Variants in CCNB3 observed in about 807,000 individuals in gnomAD.
The protein encoded by CCNB3 is cyclin B3, also known as G2/mitotic-specific cyclin-B3.
A neutral mutation model predicts 68.0 loss-of-function variants in CCNB3; 12 were observed. That is an observed-to-expected ratio of 0.18 (90% confidence interval 0.11 to 0.29). The LOEUF (loss-of-function observed/expected upper bound fraction) is 0.29, where lower values mean the gene tolerates loss of function less well. Among genes scored for constraint, CCNB3 ranks in the 10% least tolerant of loss-of-function variants. The probability of loss-of-function intolerance (pLI) is 1.00; values close to 1 mark genes in which losing one functional copy is unlikely to be tolerated. For synonymous variants in CCNB3, 354 were observed against 388.9 expected, an observed-to-expected ratio of 0.91 and a Z score of 1.06; for missense variants, 904 against 993.1, an observed-to-expected ratio of 0.91 and a Z score of 1.21.
At chrX:50,279,809 T>C (rs1936071946) in intron 1 of CCNB3, among the ~76,000 whole-genome samples, 1 of 88,310 alleles carries the variant, frequency 1.1e-5, no homozygotes, top group Non-Finnish European at 2.1e-5. Flanking sequence ...ATATATAGAA[T>C]ATATATGGTA....
chrX:50,226,090 A>C (rs1410286173), intron 1 of CCNB3, among the ~76,000 whole-genome samples: 3 of 81,389 alleles, frequency 3.7e-5, no homozygotes, highest in Admixed American at 1.7e-4. Context: ...AATATATATG[A>C]ATATATATAG....
At position 50,310,958 on chromosome X, in the gene CCNB3, T is replaced by C. The variant is rs782097227; in HGVS notation, c.2789T>C (p.Met930Thr). 40 of 1,210,542 alleles carry C rather than the reference T, an allele frequency of 3.3e-5. No homozygotes were observed. The highest frequency in any genetic ancestry group is 4.4e-5 in the Non-Finnish European group (39 of 895,356). The change falls in exon 6 of 13, where the codon ATG becomes ACG. Residue 930 changes from methionine to threonine, a missense_variant. Transcript: ENST00000376042. ...AATGAGGCAGTCCTCTTCGAAGATA[T>C]GATAGCTCTGAATGAGAAACCCACC... ...TINEAVLFED[M>T]IALNEKPTTG...
At chrX:50,337,967 G>A (rs1922935885) in intron 8 of CCNB3, among the ~76,000 whole-genome samples, 1 of 112,244 alleles carries the variant, frequency 8.9e-6, no homozygotes, top group African/African-American at 3.2e-5. Flanking sequence ...CAAATGGAGG[G>A]GTAAGTTCCA....
chrX:50,214,475 C>CATATATATATATATATATATAT (rs1184201216), intron 1 of CCNB3, among the ~76,000 whole-genome samples: 298 of 9,434 alleles, frequency 0.032, 73 homozygotes, highest in Non-Finnish European at 0.088. Flanking sequence ...AGCTGTGGCC[C>CATATATATATATATATATATAT]ATATATATAT....
intron 5 of CCNB3, among the ~76,000 whole-genome samples, chrX:50,299,846 G>A (rs1167755229): frequency 8.9e-6 from 1 of 111,940 alleles, no homozygotes; most frequent in Non-Finnish European, 1.9e-5. Flanking sequence ...ATTTAGGATA[G>A]TTAGTTCTTC....
chrX:50,336,173 C>T lies in CCNB3; in HGVS notation c.3517-6029C>T, dbSNP rs369812367. ...TTGAACAAAGCTCCCTTGTCTTTTT[C>T]TGAGGTCTTTTGCTCCGAATCACCT... On this transcript the variant is annotated intron_variant, in intron 8 of 12. Coordinates refer to ENST00000376042, the MANE Select transcript of CCNB3 (RefSeq NM_033031.3). Among the ~76,000 whole-genome samples, 146 of 112,162 alleles carry T rather than the reference C, an allele frequency of 1.3e-3. 1 individual carries two copies. Among genetic ancestry groups the T allele is most frequent in the African/African-American group, 4.4e-3 (136 of 30,914 alleles).
At chrX:50,284,490 A>C (rs1936200943) in intron 1 of CCNB3, 52 bp from the exon 2 acceptor site, 1 of 112,020 alleles carries the variant, frequency 8.9e-6, no homozygotes, top group African/African-American at 3.2e-5. Flanking sequence ...TTTTTTAATA[A>C]GTTAGTTTAT....
intron 5 of CCNB3, among the ~76,000 whole-genome samples, chrX:50,300,833 C>T (rs1569542696): frequency 9.0e-6 from 1 of 111,488 alleles, no homozygotes; most frequent in Non-Finnish European, 1.9e-5. Context: ...TTGTTCATTT[C>T]TTTGTATTCT....
intron 8 of CCNB3, among the ~76,000 whole-genome samples, chrX:50,341,301 G>C (rs1412000475): frequency 9.3e-6 from 1 of 107,839 alleles, no homozygotes; most frequent in Non-Finnish European, 1.9e-5. Context: ...CTGCACTCCA[G>C]CCTGGGAGAC....
chrX:50,315,377 A>G (rs1179418938), intron 8 of CCNB3, among the ~76,000 whole-genome samples: 1 of 112,351 alleles, frequency 8.9e-6, no homozygotes, highest in African/African-American at 3.2e-5. Flanking sequence ...AAATAACCAA[A>G]TAACAATAAT....
At chrX:50,297,805 A>G (rs1463470094) in intron 5 of CCNB3, among the ~76,000 whole-genome samples, 2 of 110,919 alleles carry the variant, frequency 1.8e-5, no homozygotes, top group Admixed American at 9.7e-5. Context: ...CTTTTATTTC[A>G]TTGAGCAGTG....
chrX:50,327,550 A>G (rs782085556), intron 8 of CCNB3, among the ~76,000 whole-genome samples: 16 of 112,631 alleles, frequency 1.4e-4, no homozygotes, highest in Non-Finnish European at 2.8e-4. Flanking sequence ...CCAAGTGCCT[A>G]TGTGAGGTAC....
rs782553127 is a variant in CCNB3, at chrX:50,298,028, T to G, written c.335+3035T>G. Among the ~76,000 whole-genome samples, 9 of 111,836 alleles carry G rather than the reference T, an allele frequency of 8.0e-5. No homozygotes were observed. The South Asian group carries it at 3.0e-3, about 37-fold the overall frequency. ...GTTGCTTATTAGCTTAAGGAGATTT[T>G]GGGCTGAGACAATGGGGTTTTCTAG... is the stretch of plus-strand genomic sequence containing the variant. On this transcript the variant is annotated intron_variant, in intron 5 of 12. Transcript: ENST00000376042.
intron 1 of CCNB3, among the ~76,000 whole-genome samples, chrX:50,209,406 G>C (rs1557206014): frequency 9.0e-6 from 1 of 110,713 alleles, no homozygotes; most frequent in African/African-American, 3.3e-5. Context: ...CCCAGACTGG[G>C]GTGCAGTGGC....
intron 1 of CCNB3, among the ~76,000 whole-genome samples, chrX:50,280,421 C>G (rs1323398885): frequency 1.9e-5 from 2 of 107,839 alleles, no homozygotes; most frequent in Non-Finnish European, 3.8e-5. Context: ...AGATATTGAG[C>G]TATTAGCAAA....
At chrX:50,326,170 T>C (rs1198974712) in intron 8 of CCNB3, among the ~76,000 whole-genome samples, 1 of 111,906 alleles carries the variant, frequency 8.9e-6, no homozygotes, top group East Asian at 2.8e-4. Flanking sequence ...CCAACTCTTT[T>C]GATAGACCTG....
At chrX:50,279,338 T>G (rs1159311511) in intron 1 of CCNB3, among the ~76,000 whole-genome samples, 1 of 74,924 alleles carries the variant, frequency 1.3e-5, no homozygotes, top group Non-Finnish European at 2.3e-5. Flanking sequence ...TATATATGAA[T>G]ATATATATGA....
chrX:50,322,719 T>G (rs782363408), intron 8 of CCNB3, among the ~76,000 whole-genome samples: 1 of 111,598 alleles, frequency 9.0e-6, no homozygotes, highest in African/African-American at 3.3e-5. Context: ...CTCAAACAAA[T>G]TTACAAGAAG....
chrX:50,296,129 T>A (rs143585394), intron 5 of CCNB3, among the ~76,000 whole-genome samples: 6,024 of 110,602 alleles, frequency 0.054, 377 homozygotes, highest in African/African-American at 0.18. Flanking sequence ...TCTTTGTTTT[T>A]TTATTATTAT....
Sources: allele counts gnomAD v4.1 joint callset (sites outside exome capture counted in the v4.1 genomes callset), GRCh38; gene constraint gnomAD v4.1.1; transcripts MANE v1.5; gene names NCBI Gene and HGNC (gene_info 2026-07-23, HGNC 2026-07-21).